The following PTPRD variants were observed in gnomAD, a reference collection of about 807,000 sequenced individuals.
The protein encoded by PTPRD is receptor-type tyrosine-protein phosphatase delta.
A neutral mutation model predicts 214.5 loss-of-function variants in PTPRD; 34 were observed. The ratio of observed to expected loss-of-function variants is 0.16; its 90% CI spans 0.12 to 0.21. The LOEUF (loss-of-function observed/expected upper bound fraction) is 0.21, where lower values mean the gene tolerates loss of function less well. Among genes scored for constraint, PTPRD ranks in the 10% least tolerant of loss-of-function variants. PTPRD has a pLI of 1.00. For synonymous variants in PTPRD, 1,128 were observed against 845.7 expected (o/e 1.33, Z -5.79); for missense variants, 2,545 against 2,398.7 (o/e 1.06, Z -1.27).
At position 9,921,328 on chromosome 9, in the gene PTPRD, T is replaced by C. The variant is rs534253067; in HGVS notation, c.-368+17179A>G. Among the ~76,000 whole-genome samples, 22 of 152,140 alleles carry C rather than the reference T, an allele frequency of 1.4e-4. No homozygotes were observed. In the South Asian group the frequency reaches 2.7e-3, roughly 19 times the overall value. ...TTTGCCTGTTTAATACATAGTAAAA[T>C]AGAAATCTCTTTTTGTAAGGTTATA... is the stretch of plus-strand genomic sequence containing the variant. On this transcript the variant is annotated intron_variant, in intron 5 of 45. Coordinates refer to ENST00000381196, the MANE Select transcript of PTPRD (RefSeq NM_002839.4).
At chr9:10,081,264 G>A (rs1408873841) in intron 3 of PTPRD, among the ~76,000 whole-genome samples, 1 of 151,954 alleles carries the variant, frequency 6.6e-6, no homozygotes, top group African/African-American at 2.4e-5. Flanking sequence ...TCAAGATTCT[G>A]ATACACATCA....
rs545184331 is a variant in PTPRD at position 9,889,815 on chromosome 9, G to A, written c.-368+48692C>T. Among the ~76,000 whole-genome samples, 204 of 140,210 alleles carry A rather than the reference G, an allele frequency of 1.5e-3. 1 individual carries two copies. Among genetic ancestry groups the A allele is most frequent in the African/African-American group, 6.1e-3 (195 of 31,744 alleles). 92.0% of individuals were successfully genotyped at this position (140,210 alleles called of 152,430 possible). A position where few individuals can be genotyped will look rare whatever the true frequency, so the allele number is the denominator to read the frequency against. On this transcript the variant is annotated intron_variant, in intron 5 of 45. Coordinates refer to ENST00000381196, the MANE Select transcript of PTPRD (RefSeq NM_002839.4). ...TGTGTGTGTGTGTGTGTGTGTGTAT[G>A]TGTGTGTGTGTGTCTGTGTGTGGTC...
chr9:8,525,483 G>A (rs1255041078), intron 17 of PTPRD, among the ~76,000 whole-genome samples: 2 of 152,038 alleles, frequency 1.3e-5, no homozygotes, highest in Admixed American at 1.3e-4. Flanking sequence ...TTCTGCTGAA[G>A]AGAGCCAAAA....
At chr9:9,319,233 A>G (rs1174828127) in intron 9 of PTPRD, among the ~76,000 whole-genome samples, 4 of 152,124 alleles carry the variant, frequency 2.6e-5, no homozygotes, top group Admixed American at 6.5e-5. Flanking sequence ...TCAGATTGCA[A>G]TTGTGCTTTT....
chr9:9,173,375 T>C (rs2099922647), intron 10 of PTPRD, among the ~76,000 whole-genome samples: 1 of 152,152 alleles, frequency 6.6e-6, no homozygotes, highest in African/African-American at 2.4e-5. Flanking sequence ...TTCGGATGGG[T>C]TGGTATCCAT....
chr9:9,124,794 G>A (rs2099824833), intron 10 of PTPRD, among the ~76,000 whole-genome samples: 1 of 152,112 alleles, frequency 6.6e-6, no homozygotes, highest in Non-Finnish European at 1.5e-5. Flanking sequence ...GTTACAGGAG[G>A]AAAACCACAA....
intron 2 of PTPRD, among the ~76,000 whole-genome samples, chr9:10,513,106 T>C (rs564388387): frequency 2.0e-5 from 3 of 152,090 alleles, no homozygotes; most frequent in Admixed American, 6.6e-5. Context: ...TATTGAAGGA[T>C]AGAAAATGGT....
At chr9:9,986,895 AT>A (rs5896358) in intron 4 of PTPRD, among the ~76,000 whole-genome samples, 81 of 148,584 alleles carry the variant, frequency 5.5e-4, no homozygotes, top group African/African-American at 1.6e-3. Context: ...TAGATTTCAT[AT>A]TTTTTTTTTA....
chr9:9,257,359 G>A (rs2099978182), intron 9 of PTPRD, among the ~76,000 whole-genome samples: 1 of 151,944 alleles, frequency 6.6e-6, no homozygotes. Flanking sequence ...TAAACTATAT[G>A]AGACACAATT....
intron 33 of PTPRD, among the ~76,000 whole-genome samples, chr9:8,450,627 T>C (rs999982229): frequency 6.6e-6 from 1 of 152,208 alleles, no homozygotes; most frequent in African/African-American, 2.4e-5. Context: ...ACAATACATT[T>C]TAACTTTGTT....
intron 14 of PTPRD, among the ~76,000 whole-genome samples, chr9:8,570,203 A>C (rs922868805): frequency 3.9e-5 from 6 of 152,102 alleles, no homozygotes; most frequent in African/African-American, 1.4e-4. Flanking sequence ...TTTTATATGT[A>C]AATTGAGATT....
intron 3 of PTPRD, among the ~76,000 whole-genome samples, chr9:10,294,685 A>G (rs986908080): frequency 6.6e-6 from 1 of 151,960 alleles, no homozygotes. Context: ...GAGATAAGCA[A>G]ATAGGCTCAG....
At chr9:8,481,894 C>A (rs10125682) in intron 30 of PTPRD, among the ~76,000 whole-genome samples, 49,493 of 151,896 alleles carry the variant, frequency 0.33, 8,219 homozygotes, top group African/African-American at 0.4. Context: ...GCGATTCTCC[C>A]GCCTCAGTCT....
At chr9:8,433,788 A>G (rs1240188721) in intron 35 of PTPRD, among the ~76,000 whole-genome samples, 1 of 152,224 alleles carries the variant, frequency 6.6e-6, no homozygotes, top group African/African-American at 2.4e-5. Flanking sequence ...AGCTAAGGTT[A>G]ATCTACTATT....
At chr9:10,395,544 C>T (rs1249586886) in intron 2 of PTPRD, among the ~76,000 whole-genome samples, 1 of 151,690 alleles carries the variant, frequency 6.6e-6, no homozygotes, top group Non-Finnish European at 1.5e-5. Flanking sequence ...AGGTTTTAGG[C>T]AAAGCAATGA....
chr9:10,509,557 T>TTATATATATATATATATAATATATATATA (rs2047271662), intron 2 of PTPRD, among the ~76,000 whole-genome samples: 2 of 106,688 alleles, frequency 1.9e-5, no homozygotes. Flanking sequence ...TTAATAAATA[T>TTATATATATATATATATAATATATATATA]TATATATATA....
intron 5 of PTPRD, among the ~76,000 whole-genome samples, chr9:9,866,267 A>C (rs2063925153): frequency 6.6e-6 from 1 of 151,598 alleles, no homozygotes; most frequent in Non-Finnish European, 1.5e-5. Flanking sequence ...AGTTTTGTTA[A>C]CATTATTTTC....
At chr9:8,748,841 C>T (rs770862242) in intron 11 of PTPRD, among the ~76,000 whole-genome samples, 11 of 151,930 alleles carry the variant, frequency 7.2e-5, no homozygotes, top group Non-Finnish European at 1.0e-4. Context: ...AACCCAGGAG[C>T]GGGGGTTGTG....
At chr9:9,707,209 G>T (rs895183421) in intron 7 of PTPRD, among the ~76,000 whole-genome samples, 1 of 152,046 alleles carries the variant, frequency 6.6e-6, no homozygotes, top group Non-Finnish European at 1.5e-5. Flanking sequence ...TACATGTAAG[G>T]TATATTCTGA....
Sources: allele counts gnomAD v4.1 joint callset (sites outside exome capture counted in the v4.1 genomes callset), GRCh38; gene constraint gnomAD v4.1.1; transcripts MANE v1.5; gene names NCBI Gene and HGNC (gene_info 2026-07-23, HGNC 2026-07-21).